The following COL14A1 variants were observed in gnomAD, a reference collection of about 807,000 sequenced individuals.
The protein encoded by COL14A1 is collagen alpha-1(XIV) chain.
A neutral mutation model predicts 230.3 loss-of-function variants in COL14A1; 136 were observed. That is an observed-to-expected ratio of 0.59 (90% CI 0.51 to 0.68). The LOEUF is 0.68. COL14A1 is among the 30% of genes least tolerant of loss of function. The pLI is 0.00. For synonymous variants in COL14A1, 792 were observed against 784.1 expected (o/e 1.01, Z -0.17); for missense variants, 1,976 against 2,215.8 (o/e 0.89, Z 2.17).
intron 1 of COL14A1, among the ~76,000 whole-genome samples, chr8:120,134,826 A>T (rs544752983): frequency 2.0e-5 from 3 of 152,100 alleles, no homozygotes; most frequent in East Asian, 3.9e-4. Context: ...AATACAAAAA[A>T]CAGTTGGGTA....
chr8:120,230,023 G>C (rs954810051), intron 18 of COL14A1, among the ~76,000 whole-genome samples: 1 of 152,158 alleles, frequency 6.6e-6, no homozygotes, highest in African/African-American at 2.4e-5. Context: ...TGGGACTACA[G>C]ACATGTGTCA....
intron 40 of COL14A1, among the ~76,000 whole-genome samples, chr8:120,326,475 T>C (rs1356624746): frequency 1.3e-5 from 2 of 152,218 alleles, no homozygotes; most frequent in Non-Finnish European, 2.9e-5. Context: ...ATATGACAAA[T>C]GCAAGACTTG....
intron 19 of COL14A1, among the ~76,000 whole-genome samples, chr8:120,235,610 A>G (rs1818418111): frequency 6.6e-6 from 1 of 151,440 alleles, no homozygotes. Context: ...TCGTGTCTCT[A>G]TCTCCTTCAG....
In COL14A1 at chr8:120,218,957, T is replaced by C. The variant is rs1371052047; in HGVS notation, c.1737+2467T>C. 2.6e-5 allele frequency among the ~76,000 whole-genome samples: 4 copies of C among 152,048 alleles called. No homozygotes were observed. The East Asian group carries it at 7.7e-4, about 29-fold the overall frequency. On this transcript the variant is annotated intron_variant, in intron 14 of 47. Transcript: ENST00000297848. ...GACTATATTCCCCAATAAATATTTG[T>C]TCATTGTAGAGCATCCTCCTTTGGT...
intron 40 of COL14A1, among the ~76,000 whole-genome samples, chr8:120,331,060 G>A (rs1263742807): frequency 2.0e-5 from 3 of 147,536 alleles, no homozygotes; most frequent in Admixed American, 6.9e-5. Flanking sequence ...AGCCAAGATC[G>A]TGCCATTGCA....
intron 19 of COL14A1, among the ~76,000 whole-genome samples, chr8:120,241,716 A>G (rs543371719): frequency 6.6e-6 from 1 of 152,242 alleles, no homozygotes; most frequent in East Asian, 1.9e-4. Flanking sequence ...AATGAATATC[A>G]ATAGGGTAAG....
In COL14A1 at chr8:120,267,580, T is replaced by G. The variant is rs143076916; in HGVS notation, c.3073+697T>G. Reference sequence around the variant, plus strand: ...AATACTGCTGCAGATTAATGACTCATAAGGAAGAGGCATTTGATCTACATT... The same window carrying G: ...AATACTGCTGCAGATTAATGACTCAGAAGGAAGAGGCATTTGATCTACATT... On this transcript the variant is annotated intron_variant, in intron 25 of 47. Transcript: ENST00000297848. 4.6e-5 allele frequency among the ~76,000 whole-genome samples: 7 copies of G among 151,914 alleles called. 1 individual carries two copies.
At chr8:120,192,631 T>C (rs1184996035) in intron 5 of COL14A1, among the ~76,000 whole-genome samples, 4 of 152,230 alleles carry the variant, frequency 2.6e-5, no homozygotes, top group Admixed American at 6.5e-5. Flanking sequence ...GATAATATCT[T>C]GCAGAGTGTT....
chr8:120,252,025 C>T (rs1473682396), intron 22 of COL14A1, among the ~76,000 whole-genome samples: 1 of 151,850 alleles, frequency 6.6e-6, no homozygotes, highest in African/African-American at 2.4e-5. Flanking sequence ...GTATAATTGG[C>T]AAATAAAAAT....
intron 36 of COL14A1, among the ~76,000 whole-genome samples, chr8:120,304,846 G>A (rs371606693): frequency 2.5e-4 from 38 of 152,248 alleles, no homozygotes; most frequent in African/African-American, 7.5e-4. Context: ...ACCTACTTAC[G>A]TAGGATTCCA....
At chr8:120,244,069 CT>C in intron 20 of COL14A1, 61 bp downstream of exon 20, 1 of 1,557,890 alleles carries the variant, frequency 6.4e-7, no homozygotes, top group Non-Finnish European at 8.7e-7. Context: ...TGCTTGTCCC[CT>C]GTAATGCACC....
chr8:120,233,783 A>G (rs1244511928), intron 19 of COL14A1, among the ~76,000 whole-genome samples: 1 of 152,014 alleles, frequency 6.6e-6, no homozygotes, highest in Non-Finnish European at 1.5e-5. Flanking sequence ...TTTGCTTAGG[A>G]TTGTCTTGGC....
intron 14 of COL14A1, 27 bp downstream of exon 14, chr8:120,216,517 T>A (rs1393444941): frequency 6.3e-7 from 1 of 1,596,622 alleles, no homozygotes; most frequent in Admixed American, 1.7e-5. Flanking sequence ...AATGTATATT[T>A]TTTAGGTAGT....
At chr8:120,178,018 C>A (rs891319790) in intron 5 of COL14A1, among the ~76,000 whole-genome samples, 5 of 151,974 alleles carry the variant, frequency 3.3e-5, no homozygotes, top group Non-Finnish European at 7.4e-5. Context: ...ATGGAGATCT[C>A]ACTGTGCATG....
chr8:120,223,817 G>T (rs1818006482), intron 14 of COL14A1, among the ~76,000 whole-genome samples: 1 of 151,998 alleles, frequency 6.6e-6, no homozygotes, highest in Non-Finnish European at 1.5e-5. Context: ...CACAGTTGGG[G>T]CACCTCATTA....
chr8:120,192,662 C>T (rs1816868776), intron 5 of COL14A1, among the ~76,000 whole-genome samples: 2 of 152,264 alleles, frequency 1.3e-5, no homozygotes, highest in African/African-American at 4.8e-5. Context: ...GTTCCATTCT[C>T]CCCGTCACTT....
chr8:120,256,158 A>G (rs956148549), intron 23 of COL14A1, among the ~76,000 whole-genome samples: 1 of 152,240 alleles, frequency 6.6e-6, no homozygotes, highest in African/African-American at 2.4e-5. Context: ...AGAATCCCAA[A>G]TGATTTTTTA....
chr8:120,289,507 C>A, intron 33 of COL14A1, 101 bp from the exon 34 acceptor site: 2 of 1,037,760 alleles, frequency 1.9e-6, no homozygotes, highest in Non-Finnish European at 2.8e-6. Context: ...AATTCTTTCT[C>A]TTCTCTTTCA....
intron 26 of COL14A1, among the ~76,000 whole-genome samples, chr8:120,276,724 T>C (rs917598514): frequency 1.3e-5 from 2 of 151,690 alleles, no homozygotes; most frequent in Non-Finnish European, 2.9e-5. Flanking sequence ...TTAGGAGATA[T>C]ACCTAATGTA....
Sources: gnomAD v4.1 joint callset for allele counts (sites outside exome capture counted in the v4.1 genomes callset) on GRCh38, gnomAD v4.1.1 for gene constraint, MANE v1.5 for transcripts, NCBI Gene and HGNC (gene_info 2026-07-23, HGNC 2026-07-21) for gene names.